The following CDH10 variants were observed in gnomAD, a reference collection of about 807,000 sequenced individuals.
CDH10 encodes the protein cadherin-10.
CDH10 carries 30 observed loss-of-function variants against 73.1 expected under a neutral mutation model. The observed-to-expected ratio is 0.41, with a 90% CI of 0.31 to 0.56. CDH10 has a LOEUF of 0.56. Ranked by LOEUF, CDH10 falls within the 20% of genes least tolerant of loss-of-function variation. CDH10 has a pLI of 0.27. For missense variants in CDH10, 815 were observed against 973.7 expected, an observed-to-expected ratio of 0.84 and a Z score of 2.17; for synonymous variants, 345 against 348.2, an observed-to-expected ratio of 0.99 and a Z score of 0.10.
intron 8 of CDH10, among the ~76,000 whole-genome samples, chr5:24,501,819 T>C (rs969423554): frequency 6.6e-5 from 10 of 152,202 alleles, no homozygotes; most frequent in Non-Finnish European, 1.2e-4. Context: ...TCAGAGGTAG[T>C]GAGAGGAGCT....
intron 1 of CDH10, among the ~76,000 whole-genome samples, chr5:24,633,772 A>T (rs1747778951): frequency 1.3e-5 from 2 of 151,920 alleles, no homozygotes; most frequent in African/African-American, 2.4e-5. Flanking sequence ...ATTCATTTAA[A>T]AATGATTCAT....
rs1435256558 is a variant in CDH10 at position 24,498,445 on chromosome 5, C to A, written c.1468G>T (p.Ala490Ser). The change falls in exon 9 of 12, where the codon GCT becomes TCT. Residue 490 changes from alanine to serine, a missense_variant. Physicochemically the swap from Ala to Ser is moderately conservative, Grantham distance 99. Around this residue, in one of 3 missense-constraint regions of CDH10, gnomAD observed 516 missense variants for 636.6 expected, o/e 0.81. Transcript: ENST00000264463. ...LDVNDNAPQF[A>S]VFYDTFVCEN... ...CATACAAAAGTGTCATAGAACACAG[C>A]AAACTGTGGGGCATTGTCATTAACA... The A allele has an allele frequency of 6.2e-7, 1 of 1,602,018 alleles. No individual in the cohort carries two copies. The highest frequency in any genetic ancestry group is 8.6e-7 in the Non-Finnish European group (1 of 1,169,370).
At chr5:24,522,696 C>A (rs6452215) in intron 5 of CDH10, among the ~76,000 whole-genome samples, 73,460 of 151,742 alleles carry the variant, frequency 0.48, 17,873 homozygotes, top group East Asian at 0.58. Flanking sequence ...AAAACACAAG[C>A]CTGTAATATC....
intron 5 of CDH10, among the ~76,000 whole-genome samples, chr5:24,531,903 C>A (rs1422802751): frequency 6.6e-6 from 1 of 152,006 alleles, no homozygotes; most frequent in Non-Finnish European, 1.5e-5. Flanking sequence ...GGATATTGGG[C>A]CAGATAACTC....
chr5:24,630,346 G>C (rs1747662286), intron 1 of CDH10, among the ~76,000 whole-genome samples: 2 of 151,780 alleles, frequency 1.3e-5, no homozygotes, highest in African/African-American at 2.4e-5. Flanking sequence ...GACGTCAGGA[G>C]TTTGAGACCA....
chr5:24,524,315 G>A (rs996594107), intron 5 of CDH10, among the ~76,000 whole-genome samples: 1 of 152,018 alleles, frequency 6.6e-6, no homozygotes, highest in African/African-American at 2.4e-5. Context: ...ACTTTGTCAA[G>A]CAAACTGAAA....
At chr5:24,560,215 T>TAC (rs1744910458) in intron 2 of CDH10, among the ~76,000 whole-genome samples, 1 of 139,132 alleles carries the variant, frequency 7.2e-6, no homozygotes, top group African/African-American at 2.6e-5. Context: ...TGTGTGTGTG[T>TAC]GTGTGTGTGT....
intron 5 of CDH10, among the ~76,000 whole-genome samples, chr5:24,530,128 G>A (rs2111854703): frequency 7.2e-6 from 1 of 139,810 alleles, no homozygotes; most frequent in East Asian, 2.2e-4. Context: ...TCTAGGTCTT[G>A]ACCTTCTTCT....
At chr5:24,565,287 T>G (rs1036631167) in intron 2 of CDH10, among the ~76,000 whole-genome samples, 1 of 152,154 alleles carries the variant, frequency 6.6e-6, no homozygotes, top group Non-Finnish European at 1.5e-5. Context: ...CTTCTATAGT[T>G]GCTAAATAAA....
At chr5:24,584,732 G>A (rs551311140) in intron 2 of CDH10, among the ~76,000 whole-genome samples, 1 of 152,062 alleles carries the variant, frequency 6.6e-6, no homozygotes, top group Non-Finnish European at 1.5e-5. Context: ...GCCTCCCGAA[G>A]TGCTGGGATT....
rs1211251801 is a variant in CDH10 at position 24,534,012 on chromosome 5, A to T, written c.814+1100T>A. Among the ~76,000 whole-genome samples, 5 of 152,102 alleles carry T rather than the reference A, an allele frequency of 3.3e-5. No homozygotes were observed. The East Asian group carries it at 9.7e-4, about 29-fold the overall frequency. On this transcript the variant is annotated intron_variant, in intron 5 of 11. Transcript: ENST00000264463. ...CAAATACATGCTTTTAAACAATTTA[A>T]TTTGAATCATGCACTATTAATAATG... is the stretch of plus-strand genomic sequence containing the variant.
At chr5:24,504,736 G>C (rs1742640207) in intron 8 of CDH10, among the ~76,000 whole-genome samples, 1 of 151,688 alleles carries the variant, frequency 6.6e-6, no homozygotes, top group East Asian at 2.0e-4. Flanking sequence ...GTGTTAGCCA[G>C]GATGGTCTGG....
chr5:24,591,199 AAAT>A (rs533383474), intron 2 of CDH10, among the ~76,000 whole-genome samples: 14 of 152,046 alleles, frequency 9.2e-5, no homozygotes, highest in Non-Finnish European at 1.8e-4. Flanking sequence ...AATGTAATAC[AAAT>A]AATAAGGCAA....
intron 1 of CDH10, among the ~76,000 whole-genome samples, chr5:24,607,199 C>T (rs969740614): frequency 2.6e-5 from 4 of 152,210 alleles, no homozygotes; most frequent in South Asian, 4.1e-4. Context: ...TGTCAGCACA[C>T]GGGCTCATCA....
At chr5:24,521,209 G>C (rs1210714982) in intron 5 of CDH10, among the ~76,000 whole-genome samples, 3 of 152,168 alleles carry the variant, frequency 2.0e-5, no homozygotes, top group African/African-American at 4.8e-5. Context: ...GTCATCAGAT[G>C]CAGAACAATC....
At chr5:24,588,986 T>G (rs1245310116) in intron 2 of CDH10, among the ~76,000 whole-genome samples, 2 of 152,210 alleles carry the variant, frequency 1.3e-5, no homozygotes, top group Non-Finnish European at 2.9e-5. Flanking sequence ...GAATATTTGT[T>G]GACTATTGTT....
At chr5:24,600,931 A>G (rs1415520244) in intron 1 of CDH10, among the ~76,000 whole-genome samples, 1 of 152,102 alleles carries the variant, frequency 6.6e-6, no homozygotes, top group Non-Finnish European at 1.5e-5. Context: ...TCTACTGTAG[A>G]CAGTGTTGGG....
At chr5:24,528,204 A>C (rs1743600001) in intron 5 of CDH10, among the ~76,000 whole-genome samples, 1 of 151,892 alleles carries the variant, frequency 6.6e-6, no homozygotes. Context: ...GTGCTTTTGC[A>C]TGTAAGTAGG....
At chr5:24,600,308 T>A (rs1746514836) in intron 1 of CDH10, among the ~76,000 whole-genome samples, 1 of 152,170 alleles carries the variant, frequency 6.6e-6, no homozygotes, top group African/African-American at 2.4e-5. Flanking sequence ...GTTTTTTTCT[T>A]CACATCTCAA....
Sources: allele counts gnomAD v4.1 joint callset (sites outside exome capture counted in the v4.1 genomes callset), GRCh38; gene constraint gnomAD v4.1.1; regional missense constraint gnomAD v4.1.1; transcripts MANE v1.5; gene names NCBI Gene and HGNC (gene_info 2026-07-23, HGNC 2026-07-21).